The following NT5DC1 variants were observed in gnomAD, a reference collection of about 807,000 sequenced individuals.
The protein encoded by NT5DC1 is 5'-nucleotidase domain-containing protein 1.
NT5DC1 carries 42 observed loss-of-function variants against 59.4 expected under a neutral mutation model. The ratio of observed to expected loss-of-function variants is 0.71; its 90% CI spans 0.55 to 0.92. NT5DC1 has a LOEUF of 0.92. NT5DC1 is among the 40% of genes least tolerant of loss of function. The pLI is 0.00. For synonymous variants in NT5DC1, 172 were observed against 188.1 expected (o/e 0.91, Z 0.70); for missense variants, 501 against 537.1 (o/e 0.93, Z 0.66).
chr6:116,125,900 T>G, intron 6 of NT5DC1: 1 of 162,968 alleles, frequency 6.1e-6, no homozygotes, highest in East Asian at 1.8e-4. Context: ...CACAGACTGA[T>G]GCAAAAAGAA....
chr6:116,146,656 A>G (rs1779905063), intron 6 of NT5DC1, among the ~76,000 whole-genome samples: 2 of 152,332 alleles, frequency 1.3e-5, no homozygotes, highest in South Asian at 4.1e-4. Context: ...GTTATGTTAT[A>G]ACTTATGTTT....
At chr6:116,196,464 G>A (rs1249933258) in intron 6 of NT5DC1, among the ~76,000 whole-genome samples, 1 of 151,796 alleles carries the variant, frequency 6.6e-6, no homozygotes, top group East Asian at 1.9e-4. Context: ...ACCATTATTA[G>A]TGATTAGTTT....
At chr6:116,165,063 C>T (rs1418767880) in intron 6 of NT5DC1, among the ~76,000 whole-genome samples, 3 of 139,190 alleles carry the variant, frequency 2.2e-5, no homozygotes, top group African/African-American at 8.4e-5. Flanking sequence ...CACCACTGCG[C>T]TTCAGTCTAG....
At chr6:116,103,999 A>G (rs952489864) in intron 1 of NT5DC1, among the ~76,000 whole-genome samples, 1 of 152,172 alleles carries the variant, frequency 6.6e-6, no homozygotes, top group Non-Finnish European at 1.5e-5. Context: ...TAGGCTGCAT[A>G]TGGACCACAG....
At chr6:116,174,599 G>T (rs1001036850) in intron 6 of NT5DC1, among the ~76,000 whole-genome samples, 4 of 152,186 alleles carry the variant, frequency 2.6e-5, no homozygotes, top group African/African-American at 7.2e-5. Context: ...AAACTTGTGT[G>T]AAGATTAGGT....
At chr6:116,206,477 A>G (rs528563654) in intron 6 of NT5DC1, among the ~76,000 whole-genome samples, 3 of 151,970 alleles carry the variant, frequency 2.0e-5, no homozygotes, top group Admixed American at 6.6e-5. Context: ...ATTTGGGTCC[A>G]TACCACCCAG....
At chr6:116,113,314 C>T (rs78692552) in intron 4 of NT5DC1, among the ~76,000 whole-genome samples, 124 of 152,308 alleles carry the variant, frequency 8.1e-4, no homozygotes, top group Non-Finnish European at 1.3e-3. Context: ...TCCCCTCAGT[C>T]CTTCATTTGC....
chr6:116,230,253 G>C (rs1228471014), intron 8 of NT5DC1, among the ~76,000 whole-genome samples: 1 of 151,734 alleles, frequency 6.6e-6, no homozygotes, highest in Non-Finnish European at 1.5e-5. Context: ...ATTTACTTAG[G>C]CACAAATATA....
chr6:116,138,355 T>C (rs1779673754), intron 6 of NT5DC1, among the ~76,000 whole-genome samples: 1 of 152,236 alleles, frequency 6.6e-6, no homozygotes, highest in African/African-American at 2.4e-5. Context: ...AGAATAGCAC[T>C]ACTTAACTAG....
At position 116,245,512 on chromosome 6, in the gene NT5DC1, C is replaced by T. The variant is rs1362922684; in HGVS notation, c.*1488C>T. 1.3e-5 allele frequency: 2 copies of T among 152,374 alleles called. No individual in the cohort carries two copies. Among genetic ancestry groups the T allele is most frequent in the Non-Finnish European group, 2.9e-5 (2 of 67,964 alleles). The allele number at this position is 152,374 out of a possible 1,614,324, so 9.4% of individuals were successfully genotyped here. ...GAAATTTTTCCCTCACAGTCAGTAG[C>T]TTTGTTTGATATTTAACAATAAGTA... is the stretch of plus-strand genomic sequence containing the variant. On this transcript the variant is annotated 3_prime_UTR_variant, in exon 12 of 12. Transcript: ENST00000319550.
intron 6 of NT5DC1, among the ~76,000 whole-genome samples, chr6:116,210,843 A>G (rs899019981): frequency 6.6e-6 from 1 of 152,064 alleles, no homozygotes; most frequent in African/African-American, 2.4e-5. Flanking sequence ...ATTCCCACAG[A>G]GTTAGATATG....
intron 11 of NT5DC1, among the ~76,000 whole-genome samples, chr6:116,241,956 A>C (rs1484068235): frequency 6.1e-5 from 9 of 147,022 alleles, no homozygotes; most frequent in African/African-American, 1.8e-4. Flanking sequence ...AAAAAAAAAA[A>C]AAACAAAGAA....
intron 6 of NT5DC1, among the ~76,000 whole-genome samples, chr6:116,124,886 C>T (rs559490904): frequency 2.6e-5 from 4 of 152,124 alleles, no homozygotes; most frequent in South Asian, 2.1e-4. Flanking sequence ...TGATAAGACT[C>T]GGTTTTATAT....
At chr6:116,174,979 T>C (rs949389067) in intron 6 of NT5DC1, among the ~76,000 whole-genome samples, 1 of 152,200 alleles carries the variant, frequency 6.6e-6, no homozygotes, top group Non-Finnish European at 1.5e-5. Context: ...GGTTATTGAA[T>C]GACCATAATA....
intron 6 of NT5DC1, among the ~76,000 whole-genome samples, chr6:116,190,440 G>A (rs1178886475): frequency 6.6e-6 from 1 of 151,970 alleles, no homozygotes; most frequent in Non-Finnish European, 1.5e-5. Flanking sequence ...TTGGATGAGG[G>A]ATGAGAGGTG....
At chr6:116,108,509 T>A in intron 3 of NT5DC1, 74 bp downstream of exon 3, 4 of 821,776 alleles carry the variant, frequency 4.9e-6, no homozygotes, top group Non-Finnish European at 8.7e-6. Flanking sequence ...CATATGACCC[T>A]TACAGTATGG....
intron 8 of NT5DC1, among the ~76,000 whole-genome samples, chr6:116,232,042 G>A (rs1397440595): frequency 1.3e-5 from 2 of 152,124 alleles, no homozygotes; most frequent in African/African-American, 4.8e-5. Flanking sequence ...TAGCAGGATT[G>A]GTTTCTTCTA....
At chr6:116,150,439 C>A (rs937722928) in intron 6 of NT5DC1, among the ~76,000 whole-genome samples, 1 of 152,060 alleles carries the variant, frequency 6.6e-6, no homozygotes, top group South Asian at 2.1e-4. Flanking sequence ...TGCCCGCCAC[C>A]ACACCCAACT....
chr6:116,117,114 T>C (rs1481386508), intron 5 of NT5DC1, among the ~76,000 whole-genome samples: 1 of 152,098 alleles, frequency 6.6e-6, no homozygotes, highest in African/African-American at 2.4e-5. Context: ...GCTTTTGGGG[T>C]TTTAGGGCGT....
Sources: gnomAD v4.1 joint callset for allele counts (sites outside exome capture counted in the v4.1 genomes callset) on GRCh38, gnomAD v4.1.1 for gene constraint, MANE v1.5 for transcripts, NCBI Gene and HGNC (gene_info 2026-07-23, HGNC 2026-07-21) for gene names.